Variants in LDB2 observed in about 807,000 individuals in gnomAD.
LDB2 encodes the protein LIM domain-binding protein 2.
Under a neutral mutation model 44.3 loss-of-function variants are expected in LDB2, and 12 were observed. That is an observed-to-expected ratio of 0.27 (90% confidence interval 0.17 to 0.44). The LOEUF (loss-of-function observed/expected upper bound fraction) is 0.44. LDB2 is among the 20% of genes least tolerant of loss of function. LDB2 has a pLI of 1.00. For synonymous variants in LDB2, 164 were observed against 174.8 expected (o/e 0.94, Z 0.49); for missense variants, 344 against 473.5 (o/e 0.73, Z 2.54).
intron 5 of LDB2, among the ~76,000 whole-genome samples, chr4:16,540,043 C>T (rs778186205): frequency 6.6e-6 from 1 of 152,200 alleles, no homozygotes; most frequent in East Asian, 1.9e-4. Flanking sequence ...GGGAAGCAAG[C>T]ATATCTTATG....
intron 5 of LDB2, among the ~76,000 whole-genome samples, chr4:16,565,146 T>A (rs1470602517): frequency 6.6e-6 from 1 of 152,150 alleles, no homozygotes; most frequent in African/African-American, 2.4e-5. Context: ...CAGCATGAAG[T>A]CAAATCTCAG....
chr4:16,614,592 A>AAAAAAAAAAAAAAG (rs1726656431), intron 2 of LDB2, among the ~76,000 whole-genome samples: 1 of 147,066 alleles, frequency 6.8e-6, no homozygotes, highest in Non-Finnish European at 1.5e-5. Context: ...AAAAAAAAAA[A>AAAAAAAAAAAAAAG]AAAAAAAAAC....
chr4:16,738,511 G>A (rs1404799828), intron 2 of LDB2, among the ~76,000 whole-genome samples: 5 of 152,290 alleles, frequency 3.3e-5, no homozygotes, highest in East Asian at 1.9e-4. Flanking sequence ...AAAAGCTACC[G>A]CTTAGCCTTT....
intron 2 of LDB2, among the ~76,000 whole-genome samples, chr4:16,629,972 T>G (rs949579447): frequency 7.9e-5 from 12 of 152,190 alleles, no homozygotes; most frequent in Admixed American, 1.3e-4. Flanking sequence ...TTGGTGTACC[T>G]GAAAGTGACA....
intron 2 of LDB2, among the ~76,000 whole-genome samples, chr4:16,707,350 CA>C (rs1173054313): frequency 2.0e-5 from 3 of 151,878 alleles, no homozygotes; most frequent in Non-Finnish European, 4.4e-5. Context: ...ACCTTTAGAG[CA>C]CAAAATTAAA....
chr4:16,703,013 T>G (rs535010765), intron 2 of LDB2, among the ~76,000 whole-genome samples: 2 of 152,334 alleles, frequency 1.3e-5, no homozygotes, highest in South Asian at 4.1e-4. Flanking sequence ...ACTGGGTTAA[T>G]TGTCCTTCCT....
rs150815010 is a variant in LDB2 at position 16,549,120 on chromosome 4, T to C, written c.615+36802A>G. Among the ~76,000 whole-genome samples, 286 of 152,324 alleles carry C rather than the reference T, an allele frequency of 1.9e-3. 1 individual carries two copies. The highest frequency in any genetic ancestry group is 1.2e-3 in the Non-Finnish European group (84 of 68,030). ...TCCTGTTCAGAGCTTTTTCTAGATATCATAGAGCTAACAAGTACACAATTT... is the reference window on the plus strand; with the variant it reads ...TCCTGTTCAGAGCTTTTTCTAGATACCATAGAGCTAACAAGTACACAATTT... On this transcript the variant is annotated intron_variant, in intron 5 of 7. Transcript: ENST00000304523.
At chr4:16,812,417 G>C (rs925504486) in intron 1 of LDB2, among the ~76,000 whole-genome samples, 1 of 151,954 alleles carries the variant, frequency 6.6e-6, no homozygotes, top group Non-Finnish European at 1.5e-5. Context: ...ACATACGGTT[G>C]CTTGTTTTGT....
chr4:16,752,559 T>C, intron 2 of LDB2: 1 of 360,164 alleles, frequency 2.8e-6, no homozygotes, highest in South Asian at 2.2e-5. Context: ...TAATTTGAAG[T>C]GGCTGTTGTC....
At chr4:16,803,611 C>T (rs1323242777) in intron 1 of LDB2, among the ~76,000 whole-genome samples, 1 of 151,970 alleles carries the variant, frequency 6.6e-6, no homozygotes, top group African/African-American at 2.4e-5. Flanking sequence ...CACATATGAC[C>T]AACAATTTTT....
chr4:16,552,936 G>A (rs1362200107), intron 5 of LDB2, among the ~76,000 whole-genome samples: 2 of 152,182 alleles, frequency 1.3e-5, no homozygotes, highest in East Asian at 3.9e-4. Flanking sequence ...GCCAGAAGGT[G>A]GAAGTCAGTG....
In LDB2 at chr4:16,502,529, G is replaced by C; in HGVS notation, c.*114C>G. ...ATCAGATCATTGTGGTTTAGAAATA[G>C]ATATTTGCATGGAAAAGTTTTTATC... On this transcript the variant is annotated 3_prime_UTR_variant, in exon 8 of 8. Coordinates refer to ENST00000304523, the MANE Select transcript of LDB2 (RefSeq NM_001290.5). 7.6e-7 allele frequency: 1 copy of C among 1,318,578 alleles called. No individual in the cohort carries two copies. The allele number at this position is 1,318,578 out of a possible 1,614,324, so 81.7% of individuals were successfully genotyped here.
At chr4:16,749,960 C>G (rs1339519218) in intron 2 of LDB2, among the ~76,000 whole-genome samples, 1 of 152,172 alleles carries the variant, frequency 6.6e-6, no homozygotes, top group Admixed American at 6.5e-5. Flanking sequence ...ACTTCATCAA[C>G]ACCCGCTTCT....
intron 5 of LDB2, among the ~76,000 whole-genome samples, chr4:16,550,972 A>C (rs758672605): frequency 6.6e-6 from 1 of 152,258 alleles, no homozygotes; most frequent in Non-Finnish European, 1.5e-5. Flanking sequence ...CCTTAAAATC[A>C]TACTGCTGAA....
chr4:16,693,111 C>A (rs1751187139), intron 2 of LDB2, among the ~76,000 whole-genome samples: 1 of 152,062 alleles, frequency 6.6e-6, no homozygotes, highest in African/African-American at 2.4e-5. Flanking sequence ...TGGCTTCAGG[C>A]AGGATATTGG....
intron 5 of LDB2, among the ~76,000 whole-genome samples, chr4:16,581,991 GGGAAGGAAGGGAAGGAAGGAA>G (rs1475675583): frequency 1.2e-3 from 160 of 129,304 alleles, no homozygotes; most frequent in Middle Eastern, 8.0e-3. Flanking sequence ...AGGGAAGGAA[GGGAAGGAAGGGAAGGAAGGAA>G]GGAAGGAAGG....
chr4:16,557,866 A>G (rs1740352922), intron 5 of LDB2, among the ~76,000 whole-genome samples: 1 of 152,178 alleles, frequency 6.6e-6, no homozygotes, highest in Non-Finnish European at 1.5e-5. Context: ...CTCTGAGACA[A>G]AACTTCCAGA....
intron 1 of LDB2, among the ~76,000 whole-genome samples, chr4:16,773,843 T>C (rs1241835717): frequency 1.3e-5 from 2 of 151,990 alleles, no homozygotes; most frequent in African/African-American, 4.8e-5. Context: ...CGAGGGATTC[T>C]CCCATCTCAG....
At chr4:16,542,886 T>C (rs1734339229) in intron 5 of LDB2, among the ~76,000 whole-genome samples, 3 of 151,798 alleles carry the variant, frequency 2.0e-5, no homozygotes, top group African/African-American at 7.3e-5. Flanking sequence ...TAACTCATGA[T>C]TTATATTAGG....
Sources: gnomAD v4.1 joint callset for allele counts (sites outside exome capture counted in the v4.1 genomes callset) on GRCh38, gnomAD v4.1.1 for gene constraint, MANE v1.5 for transcripts, NCBI Gene and HGNC (gene_info 2026-07-23, HGNC 2026-07-21) for gene names.